Variants in PDXK observed in about 807,000 individuals in gnomAD.
The protein encoded by PDXK is epididymis secretory sperm binding protein Li 1a.
Under a neutral mutation model 43.2 loss-of-function variants are expected in PDXK, and 15 were observed. The ratio of observed to expected loss-of-function variants is 0.35; its 90% CI spans 0.23 to 0.53. PDXK has a LOEUF of 0.53. PDXK is among the 20% of genes least tolerant of loss of function. The pLI is 0.92. For synonymous variants in PDXK, 172 were observed against 165.4 expected (o/e 1.04, Z -0.31); for missense variants, 343 against 417.0 (o/e 0.82, Z 1.54).
At chr21:43,751,410 A>T (rs903702136) in intron 7 of PDXK, among the ~76,000 whole-genome samples, 1 of 152,182 alleles carries the variant, frequency 6.6e-6, no homozygotes, top group Non-Finnish European at 1.5e-5. Flanking sequence ...TTAGCTGGGC[A>T]TGGTGGTGCA....
At position 43,726,012 on chromosome 21, in the gene PDXK, TTCTC is replaced by T. The variant is rs60147387; in HGVS notation, c.87+6655_87+6658del. Among the ~76,000 whole-genome samples, 622 of 147,692 alleles carry T rather than the reference TTCTC, an allele frequency of 4.2e-3. 3 individuals are homozygous for T. The highest frequency in any genetic ancestry group is 9.2e-3 in the African/African-American group (373 of 40,358). On this transcript the variant is annotated intron_variant, in intron 1 of 10. Transcript: ENST00000291565. ...TGGCTTTCCTCCCGTCTAGCTGGGA[TTCTC>T]TCTCTCTCTCTCTCTCTCTCTCTGG...
chr21:43,742,596 G>T (rs1295007468), intron 3 of PDXK, among the ~76,000 whole-genome samples: 2 of 152,180 alleles, frequency 1.3e-5, no homozygotes, highest in Non-Finnish European at 2.9e-5. Context: ...CACATATAAG[G>T]CCAGGCACAG....
chr21:43,724,484 G>A (rs746334499), intron 1 of PDXK, among the ~76,000 whole-genome samples: 5 of 152,082 alleles, frequency 3.3e-5, no homozygotes, highest in Admixed American at 2.0e-4. Context: ...GACGCGTGAC[G>A]GGGTCCCCAG....
At chr21:43,748,358 G>C (rs971724926) in intron 5 of PDXK, 1 of 152,202 alleles carries the variant, frequency 6.6e-6, no homozygotes, top group African/African-American at 2.4e-5. Flanking sequence ...GTGGGGGCAG[G>C]CGCCTGTAAT....
rs552712438 is a variant in PDXK, at chr21:43,737,713, C to T, written c.142+3590C>T. 4 of 983,466 alleles carry T rather than the reference C, an allele frequency of 4.1e-6. No individual in the cohort carries two copies. In the East Asian group the frequency reaches 4.5e-4, roughly 111 times the overall value. The allele number at this position is 983,466 out of a possible 1,614,324, so 60.9% of individuals were successfully genotyped here. A position where few individuals can be genotyped will look rare whatever the true frequency, so the allele number is the denominator to read the frequency against. On this transcript the variant is annotated intron_variant, in intron 2 of 10. Coordinates refer to ENST00000291565, the MANE Select transcript of PDXK (RefSeq NM_003681.5). This position sits in a 1 kb window ranked among gnomAD's most constrained non-coding sequence, Gnocchi z 4.8. ...GACACCAGCGAGGGGCCAGGCCGGG[C>T]CAGGAGCCTGCCGACGGACACCAGC... is the stretch of plus-strand genomic sequence containing the variant.
At chr21:43,733,532 C>G (rs1483969049) in intron 1 of PDXK, 1 of 397,830 alleles carries the variant, frequency 2.5e-6, no homozygotes, top group African/African-American at 2.2e-5. Context: ...AACCCTCACC[C>G]TCTCCCTCCC....
At chr21:43,733,761 G>A (rs759157860) in intron 1 of PDXK, 31 of 896,700 alleles carry the variant, frequency 3.5e-5, no homozygotes, top group African/African-American at 1.2e-4. Context: ...CGCTGGGTGC[G>A]ATTTCTGGAA....
chr21:43,737,677 G>A lies in PDXK; in HGVS notation c.142+3554G>A. 1 of 769,966 alleles carries A rather than the reference G, an allele frequency of 1.3e-6. No homozygotes were observed. Among genetic ancestry groups the A allele is most frequent in the Non-Finnish European group, 1.6e-6 (1 of 637,572 alleles). The allele number at this position is 769,966 out of a possible 1,614,324, so 47.7% of individuals were successfully genotyped here. ...GGGCTGGAGAAGGCCAGGGCCAGGA[G>A]CCTGCCGACGGACACCAGCGAGGGG... On this transcript the variant is annotated intron_variant, in intron 2 of 10. Transcript: ENST00000291565. The surrounding 1 kb of genome is among the most constrained non-coding windows in gnomAD (Gnocchi z 4.8).
intron 1 of PDXK, chr21:43,719,738 G>A (rs1010305811): frequency 3.0e-6 from 3 of 985,362 alleles, no homozygotes; most frequent in Admixed American, 6.1e-5. Flanking sequence ...CGGAGGCGAG[G>A]AAATGTCGCA....
chr21:43,740,592 T>C (rs1244002433), intron 2 of PDXK, among the ~76,000 whole-genome samples: 3 of 151,920 alleles, frequency 2.0e-5, no homozygotes, highest in Admixed American at 2.0e-4. Context: ...GAGCTGGAGC[T>C]GTGGTCAGGT....
chr21:43,747,385 T>G (rs1424181132), intron 5 of PDXK, among the ~76,000 whole-genome samples: 1 of 152,270 alleles, frequency 6.6e-6, no homozygotes, highest in Non-Finnish European at 1.5e-5. Flanking sequence ...GGTGTCTGTT[T>G]GCTTGCTGTA....
Position 43,760,061 on chromosome 21 carries a change from T to C in PDXK, c.*3998T>C, listed in dbSNP as rs371343651. 346 of 153,844 alleles carry C rather than the reference T, an allele frequency of 2.2e-3. 1 individual carries two copies. Among genetic ancestry groups the C allele is most frequent in the Non-Finnish European group, 3.8e-3 (257 of 68,048 alleles). The allele number at this position is 153,844 out of a possible 1,614,324, so 9.5% of individuals were successfully genotyped here. A position where few individuals can be genotyped will look rare whatever the true frequency, so the allele number is the denominator to read the frequency against. The stretch of plus-strand genomic sequence containing the variant: ...CAGCACAGGGGAGGATACCTGAGCC[T>C]GTATGGCCCTGTAGCCCTGGGCAGA... On this transcript the variant is annotated 3_prime_UTR_variant, in exon 11 of 11. Coordinates refer to ENST00000291565, the MANE Select transcript of PDXK (RefSeq NM_003681.5).
chr21:43,748,856 C>T (rs2083683653), intron 5 of PDXK, 139 bp from the exon 6 acceptor site: 3 of 634,848 alleles, frequency 4.7e-6, no homozygotes, highest in African/African-American at 3.7e-5. Context: ...CTTATCGCTA[C>T]AGTCGGGGGG....
intron 6 of PDXK, among the ~76,000 whole-genome samples, chr21:43,749,944 G>A (rs2083705093): frequency 6.6e-6 from 1 of 152,166 alleles, no homozygotes; most frequent in African/African-American, 2.4e-5. Flanking sequence ...CCAGTGCCAT[G>A]AAGAGTGGAG....
intron 1 of PDXK, chr21:43,728,963 A>T (rs2083282537): frequency 1.0e-6 from 1 of 985,502 alleles, no homozygotes; most frequent in African/African-American, 1.7e-5. Context: ...GAGTGTAGCC[A>T]TCTGACTGGC....
chr21:43,756,284 C>T lies in PDXK; in HGVS notation c.*221C>T, dbSNP rs1298547833. On this transcript the variant is annotated 3_prime_UTR_variant, in exon 11 of 11. Transcript: ENST00000291565. ...ATTTGTGATCTGAAAACCCGGCTCC[C>T]TTCCCCACAAGGCTCCTGGGCCTCC... 1 of 438,580 alleles carries T rather than the reference C, an allele frequency of 2.3e-6. No individual in the cohort carries two copies. The highest frequency in any genetic ancestry group is 4.2e-6 in the Non-Finnish European group (1 of 240,850). The allele number at this position is 438,580 out of a possible 1,614,324, so 27.2% of individuals were successfully genotyped here. A position where few individuals can be genotyped will look rare whatever the true frequency, so the allele number is the denominator to read the frequency against.
rs992778981 is a variant in PDXK at position 43,754,557 on chromosome 21, C to CT, written c.759+839dup. 6.6e-6 allele frequency among the ~76,000 whole-genome samples: 1 copy of CT among 152,156 alleles called. No homozygotes were observed. ...ACACCGTCCAGAGCCGTGCTGTGCT[C>CT]TGAGGTGGTCCCCAGCCCCTGGGCT... On this transcript the variant is annotated intron_variant, in intron 9 of 10. Transcript: ENST00000291565. The surrounding 1 kb of genome is among the most constrained non-coding windows in gnomAD (Gnocchi z 5.5).
At chr21:43,740,038 G>A (rs928064557) in intron 2 of PDXK, among the ~76,000 whole-genome samples, 5 of 151,724 alleles carry the variant, frequency 3.3e-5, no homozygotes, top group African/African-American at 9.7e-5. Flanking sequence ...TTAACCCAGA[G>A]TCCATCAGGG....
At position 43,757,008 on chromosome 21, in the gene PDXK, T is replaced by G. The variant is rs961656066; in HGVS notation, c.*945T>G. On this transcript the variant is annotated 3_prime_UTR_variant, in exon 11 of 11. Transcript: ENST00000291565. ...CAGAGGGGTGCCTGCCCCCTGCCCC[T>G]GCTGGCACATTTAACCCTTGTCCCC... 6.6e-6 allele frequency: 1 copy of G among 152,392 alleles called. No homozygotes were observed. The highest frequency in any genetic ancestry group is 1.5e-5 in the Non-Finnish European group (1 of 68,134). 9.4% of individuals were successfully genotyped at this position (152,392 alleles called of 1,614,324 possible).
Sources: allele counts gnomAD v4.1 joint callset (sites outside exome capture counted in the v4.1 genomes callset), GRCh38; gene constraint gnomAD v4.1.1; non-coding constraint Gnocchi (gnomAD v3.1); transcripts MANE v1.5; gene names NCBI Gene and HGNC (gene_info 2026-07-23, HGNC 2026-07-21).